VPS53: variants seen among roughly 807,000 people sequenced by gnomAD.
The protein encoded by VPS53 is vacuolar protein sorting-associated protein 53 homolog.
A neutral mutation model predicts 107.0 loss-of-function variants in VPS53; 70 were observed. That is an observed-to-expected ratio of 0.65 (90% CI 0.54 to 0.80). The LOEUF (loss-of-function observed/expected upper bound fraction) is 0.80, where lower values mean the gene tolerates loss of function less well. Among genes scored for constraint, VPS53 ranks in the 30% least tolerant of loss-of-function variants. VPS53 has a pLI of 0.00. For synonymous variants in VPS53, 409 were observed against 393.3 expected (o/e 1.04, Z -0.47); for missense variants, 917 against 1,049.4 (o/e 0.87, Z 1.74).
At chr17:556,836 G>C (rs1912409900) in intron 15 of VPS53, among the ~76,000 whole-genome samples, 1 of 114,100 alleles carries the variant, frequency 8.8e-6, no homozygotes, top group Admixed American at 9.6e-5. Flanking sequence ...GTTTTGTGGT[G>C]TTAGGAAATA....
intron 15 of VPS53, among the ~76,000 whole-genome samples, chr17:554,069 G>A (rs1912117326): frequency 1.3e-5 from 2 of 152,064 alleles, no homozygotes; most frequent in African/African-American, 4.8e-5. Context: ...CTGAAAAGAC[G>A]CTGATTTTAA....
At chr17:531,770 A>ATTTT (rs1170681127) in intron 19 of VPS53, among the ~76,000 whole-genome samples, 1 of 72,528 alleles carries the variant, frequency 1.4e-5, no homozygotes, top group African/African-American at 6.8e-5. Flanking sequence ...ACTGGGATTT[A>ATTTT]TTCTTTTTTT....
intron 13 of VPS53, among the ~76,000 whole-genome samples, chr17:572,144 C>G (rs1048759689): frequency 2.0e-5 from 3 of 151,540 alleles, no homozygotes; most frequent in Admixed American, 1.3e-4. Context: ...TGAGGAGCGT[C>G]TCTGCCCGGC....
intron 12 of VPS53, among the ~76,000 whole-genome samples, chr17:596,296 G>A (rs777815053): frequency 6.6e-6 from 1 of 152,170 alleles, no homozygotes. Flanking sequence ...CATCTCTTAG[G>A]TATAAAATAC....
Position 636,771 on chromosome 17 carries a change from T to C in VPS53, c.609-5143A>G, listed in dbSNP as rs1054459520. 1.1e-4 allele frequency among the ~76,000 whole-genome samples: 16 copies of C among 152,230 alleles called. 2 individuals carry two copies. Among genetic ancestry groups the C allele is most frequent in the Admixed American group, 9.8e-4 (15 of 15,272 alleles). On this transcript the variant is annotated intron_variant, in intron 7 of 21. Transcript: ENST00000437048. ...CTTGCATCCCAGGGATGAAGCCCAC[T>C]TGATCATGGTGGATAAGCTTTTTGA...
At chr17:651,730 T>TTTC (rs1970957043) in intron 7 of VPS53, among the ~76,000 whole-genome samples, 1 of 152,336 alleles carries the variant, frequency 6.6e-6, no homozygotes, top group African/African-American at 2.4e-5. Flanking sequence ...AACGCCTTCA[T>TTTC]TTCTTCTTTG....
At chr17:534,252 T>G (rs1393548217) in intron 18 of VPS53, among the ~76,000 whole-genome samples, 2 of 152,216 alleles carry the variant, frequency 1.3e-5, no homozygotes, top group African/African-American at 2.4e-5. Context: ...CATTATCTCC[T>G]TGATTGAAGG....
intron 8 of VPS53, among the ~76,000 whole-genome samples, chr17:630,787 A>C (rs1171746388): frequency 6.6e-6 from 1 of 152,226 alleles, no homozygotes; most frequent in African/African-American, 2.4e-5. Flanking sequence ...CCCACCGAGT[A>C]GGGTGAGGCT....
At chr17:669,583 ACT>A (rs1971848227) in intron 4 of VPS53, among the ~76,000 whole-genome samples, 1 of 133,544 alleles carries the variant, frequency 7.5e-6, no homozygotes, top group Non-Finnish European at 1.6e-5. Context: ...ACAGAGACAT[ACT>A]CTGTCTTAAA....
rs1427005353 is a variant in VPS53, at chr17:586,367, G to A, written c.1219-3C>T. ...TCTGGGGCTTTAGGCTTCTTTGGCT[G>A]TAAAAACAAAGAAAAATAAACCCCA... On this transcript the variant is annotated splice_region_variant and splice_polypyrimidine_tract_variant and intron_variant, in intron 12 of 21. Coordinates refer to ENST00000437048, the MANE Select transcript of VPS53 (RefSeq NM_001128159.3). 1.2e-6 allele frequency: 2 copies of A among 1,613,632 alleles called. No homozygotes were observed. The highest frequency in any genetic ancestry group is 1.1e-5 in the South Asian group (1 of 91,044).
intron 7 of VPS53, 39 bp from the exon 8 acceptor site, chr17:631,667 A>T (rs1969966836): frequency 6.3e-7 from 1 of 1,586,916 alleles, no homozygotes; most frequent in Admixed American, 1.7e-5. Flanking sequence ...CTGGCATCAT[A>T]TCCTTATGTA....
intron 2 of VPS53, among the ~76,000 whole-genome samples, chr17:709,044 C>G (rs1973529354): frequency 6.6e-6 from 1 of 152,192 alleles, no homozygotes; most frequent in Admixed American, 6.5e-5. Flanking sequence ...TGCCAGACTG[C>G]TGCAAGCTTG....
intron 5 of VPS53, chr17:657,291 G>A (rs1433069705): frequency 3.0e-5 from 25 of 821,028 alleles, no homozygotes; most frequent in Non-Finnish European, 5.0e-5. Flanking sequence ...ATTCTCTCCT[G>A]TCTTGTCAAT....
chr17:687,358 A>G (rs1482675243), intron 4 of VPS53, among the ~76,000 whole-genome samples: 2 of 151,500 alleles, frequency 1.3e-5, no homozygotes, highest in Admixed American at 6.6e-5. Context: ...CACGCAGATC[A>G]TGAGGTCAGA....
chr17:586,689 ACAGT>A (rs1326069912), intron 12 of VPS53, among the ~76,000 whole-genome samples: 1 of 152,232 alleles, frequency 6.6e-6, no homozygotes, highest in African/African-American at 2.4e-5. Context: ...TTGTATTTAC[ACAGT>A]GCTTTAGAAT....
chr17:702,507 CAAAA>C (rs560630306), intron 2 of VPS53, among the ~76,000 whole-genome samples: 4 of 150,536 alleles, frequency 2.7e-5, no homozygotes, highest in Non-Finnish European at 5.9e-5. Context: ...ACTAAAAATA[CAAAA>C]AAAAATTAGC....
At chr17:653,981 G>A (rs1971071136) in intron 6 of VPS53, among the ~76,000 whole-genome samples, 1 of 152,224 alleles carries the variant, frequency 6.6e-6, no homozygotes. Context: ...AGATCACGAA[G>A]TCACGAGATC....
At chr17:636,619 AGCATGAAG>A (rs1417029694) in intron 7 of VPS53, among the ~76,000 whole-genome samples, 4 of 152,214 alleles carry the variant, frequency 2.6e-5, no homozygotes, top group Non-Finnish European at 5.9e-5. Flanking sequence ...GAGAGTTTTT[AGCATGAAG>A]GGCTGTTGAA....
At chr17:653,224 G>A (rs1318297749) in intron 7 of VPS53, 67 bp downstream of exon 7, 1 of 1,599,072 alleles carries the variant, frequency 6.3e-7, no homozygotes, top group East Asian at 2.2e-5. Flanking sequence ...TCTGGTGACA[G>A]TTTACCTTTC....
Sources: gnomAD v4.1 joint callset for allele counts (sites outside exome capture counted in the v4.1 genomes callset) on GRCh38, gnomAD v4.1.1 for gene constraint, MANE v1.5 for transcripts, NCBI Gene and HGNC (gene_info 2026-07-23, HGNC 2026-07-21) for gene names.